The following OTOGL variants were observed in gnomAD, a reference collection of about 807,000 sequenced individuals.
OTOGL encodes otogelin like, also known as otogelin-like protein.
OTOGL carries 285 observed loss-of-function variants against 318.5 expected under a neutral mutation model. That is an observed-to-expected ratio of 0.89 (90% CI 0.81 to 0.99). OTOGL has a LOEUF of 0.99. Ranked by LOEUF, OTOGL falls within the 50% of genes least tolerant of loss-of-function variation. The probability of loss-of-function intolerance (pLI) is 0.00; values close to 1 mark genes in which losing one functional copy is unlikely to be tolerated. For synonymous variants in OTOGL, 987 were observed against 936.5 expected, an observed-to-expected ratio of 1.05 and a Z score of -0.99; for missense variants, 2,899 against 2,845.6, an observed-to-expected ratio of 1.02 and a Z score of -0.43.
intron 44 of OTOGL, 145 bp from the exon 45 acceptor site, chr12:80,352,150 G>T (rs377280359): frequency 1.5e-5 from 10 of 682,608 alleles, no homozygotes; most frequent in East Asian, 1.4e-4. Flanking sequence ...TTAATATTAA[G>T]AATTTTTGAA....
chr12:80,176,630 T>C (rs1376047795), intron 1 of OTOGL, among the ~76,000 whole-genome samples: 1 of 152,186 alleles, frequency 6.6e-6, no homozygotes, highest in Non-Finnish European at 1.5e-5. Flanking sequence ...CTTCAATTTG[T>C]TGATCCAGTC....
At chr12:80,257,216 T>G (rs994070572) in intron 17 of OTOGL, among the ~76,000 whole-genome samples, 1 of 152,052 alleles carries the variant, frequency 6.6e-6, no homozygotes, top group African/African-American at 2.4e-5. Flanking sequence ...AAATATGAAA[T>G]TATCATTTTT....
chr12:80,127,922 A>G (rs1412661691), intron 1 of OTOGL, among the ~76,000 whole-genome samples: 1 of 152,074 alleles, frequency 6.6e-6, no homozygotes, highest in East Asian at 1.9e-4. Flanking sequence ...TGCATTGGTT[A>G]TTCTAGTTAG....
intron 39 of OTOGL, 86 bp from the exon 40 acceptor site, chr12:80,336,327 A>T: frequency 7.2e-7 from 1 of 1,389,502 alleles, no homozygotes. Flanking sequence ...TAATAAGGCT[A>T]ATTTAACAGA....
chr12:80,287,002 G>A (rs929785260), intron 26 of OTOGL, among the ~76,000 whole-genome samples: 7 of 148,126 alleles, frequency 4.7e-5, no homozygotes, highest in South Asian at 2.1e-4. Context: ...GATCATTCCC[G>A]CCTTCTGATG....
At chr12:80,129,116 C>T (rs752885012) in intron 1 of OTOGL, among the ~76,000 whole-genome samples, 39 of 152,250 alleles carry the variant, frequency 2.6e-4, no homozygotes, top group African/African-American at 6.5e-4. Context: ...AGAAGTCATT[C>T]GACTTCTGCG....
At chr12:80,161,399 C>A (rs573772961) in intron 1 of OTOGL, among the ~76,000 whole-genome samples, 1 of 152,004 alleles carries the variant, frequency 6.6e-6, no homozygotes, top group South Asian at 2.1e-4. Context: ...AAATTGAGAA[C>A]CTTTCATAAA....
intron 1 of OTOGL, among the ~76,000 whole-genome samples, chr12:80,147,265 C>T (rs900865851): frequency 1.4e-4 from 21 of 148,036 alleles, no homozygotes; most frequent in African/African-American, 4.3e-4. Context: ...TCTTTGTTCT[C>T]GTTGGTTTCA....
rs777525080 is a variant in OTOGL at position 80,353,350 on chromosome 12, A to G, written c.5433A>G (p.Glu1811=). ...YCSLSCPEGK[E]YQPCVRPCEA... is the part of the protein sequence containing the mutation. ...CCCTGAGTTGCCCAGAGGGGAAGGA[A>G]TATCAACCCTGTGTGCGACCTTGTG... The change falls in exon 46 of 59, where the codon GAA becomes GAG. Residue 1811 remains glutamate, a synonymous_variant. Transcript: ENST00000547103. 3 of 1,590,448 alleles carry G rather than the reference A, an allele frequency of 1.9e-6. No individual in the cohort carries two copies. Among genetic ancestry groups the G allele is most frequent in the Non-Finnish European group, 2.6e-6 (3 of 1,167,944 alleles).
chr12:80,194,111 C>A (rs558278657), intron 1 of OTOGL, among the ~76,000 whole-genome samples: 2 of 152,206 alleles, frequency 1.3e-5, no homozygotes, highest in South Asian at 4.2e-4. Flanking sequence ...TAAAGGAAGC[C>A]GAGGGGTCCC....
intron 1 of OTOGL, among the ~76,000 whole-genome samples, chr12:80,112,545 T>C (rs1565864577): frequency 6.6e-6 from 1 of 152,136 alleles, no homozygotes; most frequent in Non-Finnish European, 1.5e-5. Flanking sequence ...ATGGATTACG[T>C]TTATTGATTT....
chr12:80,307,901 G>T (rs1482983237), intron 29 of OTOGL, among the ~76,000 whole-genome samples: 1 of 132,714 alleles, frequency 7.5e-6, no homozygotes, highest in African/African-American at 3.3e-5. Flanking sequence ...CCCGGACGGG[G>T]CGGCTGGCCG....
intron 1 of OTOGL, among the ~76,000 whole-genome samples, chr12:80,149,019 G>A (rs1872592821): frequency 6.6e-6 from 1 of 152,152 alleles, no homozygotes. Context: ...GTAGCTCAGA[G>A]TAATTTGATC....
At chr12:80,345,664 A>C (rs1456149356) in intron 44 of OTOGL, among the ~76,000 whole-genome samples, 2 of 152,218 alleles carry the variant, frequency 1.3e-5, no homozygotes, top group Non-Finnish European at 2.9e-5. Context: ...AGAACTCACA[A>C]AATTGGCTTA....
At position 80,229,391 on chromosome 12, in the gene OTOGL, A is replaced by G; in HGVS notation, c.611+13A>G. 6.3e-7 allele frequency: 1 copy of G among 1,590,428 alleles called. No individual in the cohort carries two copies. Among genetic ancestry groups the G allele is most frequent in the Non-Finnish European group, 8.5e-7 (1 of 1,172,078 alleles). ...AGAATGGAATCAGGTAGGATATGGG[A>G]AACAGTGAAATGTCAGTAACACCAC... On this transcript the variant is annotated intron_variant, in intron 8 of 58. Coordinates refer to ENST00000547103, the MANE Select transcript of OTOGL (RefSeq NM_001378609.3).
chr12:80,373,451 A>G (rs896870984), intron 57 of OTOGL, among the ~76,000 whole-genome samples: 41 of 150,008 alleles, frequency 2.7e-4, no homozygotes, highest in African/African-American at 9.7e-4. Flanking sequence ...AAACAAACAA[A>G]CAAACAAACA....
chr12:80,320,777 A>G, intron 34 of OTOGL, 77 bp downstream of exon 34: 3 of 1,382,192 alleles, frequency 2.2e-6, no homozygotes, highest in Middle Eastern at 2.6e-4. Flanking sequence ...CTTTAATTTA[A>G]AAACCATTCT....
At chr12:80,331,137 C>G (rs1888042166) in intron 37 of OTOGL, among the ~76,000 whole-genome samples, 1 of 151,994 alleles carries the variant, frequency 6.6e-6, no homozygotes, top group African/African-American at 2.4e-5. Flanking sequence ...TACAAGGAAC[C>G]TAGAATAGCC....
chr12:80,229,765 A>C (rs75283122), intron 8 of OTOGL, among the ~76,000 whole-genome samples: 2,271 of 152,124 alleles, frequency 0.015, 55 homozygotes, highest in African/African-American at 0.051. Flanking sequence ...CAGAAACTTA[A>C]AAATCTATTT....
Sources: gnomAD v4.1 joint callset for allele counts (sites outside exome capture counted in the v4.1 genomes callset) on GRCh38, gnomAD v4.1.1 for gene constraint, MANE v1.5 for transcripts, NCBI Gene and HGNC (gene_info 2026-07-23, HGNC 2026-07-21) for gene names.